The following ERCC6 variants were observed in gnomAD, a reference collection of about 807,000 sequenced individuals.
The protein encoded by ERCC6 is DNA excision repair protein ERCC-6.
A neutral mutation model predicts 158.7 loss-of-function variants in ERCC6; 116 were observed. That is an observed-to-expected ratio of 0.73 (90% CI 0.63 to 0.85). The LOEUF is 0.85. Ranked by LOEUF, ERCC6 falls within the 40% of genes least tolerant of loss-of-function variation. ERCC6 has a pLI of 0.00. For synonymous variants in ERCC6, 678 were observed against 659.3 expected (o/e 1.03, Z -0.43); for missense variants, 1,698 against 1,799.4 (o/e 0.94, Z 1.02).
intron 7 of ERCC6, among the ~76,000 whole-genome samples, chr10:49,495,230 C>A (rs1851247328): frequency 6.6e-6 from 1 of 152,118 alleles, no homozygotes; most frequent in African/African-American, 2.4e-5. Context: ...AAGCAGAAGT[C>A]AAAACTAACC....
intron 12 of ERCC6, 109 bp downstream of exon 12, chr10:49,476,106 G>T: frequency 2.5e-6 from 2 of 801,252 alleles, no homozygotes; most frequent in East Asian, 2.6e-5. Context: ...CAAGTGAAGT[G>T]AGATGACAGT....
intron 11 of ERCC6, among the ~76,000 whole-genome samples, chr10:49,476,881 A>G (rs966768288): frequency 2.0e-4 from 31 of 152,172 alleles, no homozygotes; most frequent in African/African-American, 7.0e-4. Flanking sequence ...ACGGATGCTC[A>G]TTTAGCCACC....
At chr10:49,461,062 A>G (rs988476111) in intron 19 of ERCC6, among the ~76,000 whole-genome samples, 1 of 152,222 alleles carries the variant, frequency 6.6e-6, no homozygotes, top group African/African-American at 2.4e-5. Context: ...TTATCTCATT[A>G]AGGTTTAATC....
intron 18 of ERCC6, among the ~76,000 whole-genome samples, chr10:49,465,649 T>C (rs1850662340): frequency 6.6e-6 from 1 of 152,202 alleles, no homozygotes; most frequent in African/African-American, 2.4e-5. Context: ...GGGTTGGGTC[T>C]TTCCTGTGCT....
chr10:49,518,102 A>G (rs1837039393), intron 5 of ERCC6, among the ~76,000 whole-genome samples: 2 of 152,266 alleles, frequency 1.3e-5, no homozygotes, highest in Non-Finnish European at 2.9e-5. Context: ...ACTGAAGGAC[A>G]GACAGGACAA....
At chr10:49,529,216 C>T (rs553863617) in intron 3 of ERCC6, among the ~76,000 whole-genome samples, 38 of 152,328 alleles carry the variant, frequency 2.5e-4, no homozygotes, top group African/African-American at 8.7e-4. Flanking sequence ...AAGAATGTTT[C>T]AACTTCAAAT....
At chr10:49,477,486 C>T (rs899652831) in intron 11 of ERCC6, among the ~76,000 whole-genome samples, 1 of 152,172 alleles carries the variant, frequency 6.6e-6, no homozygotes, top group African/African-American at 2.4e-5. Flanking sequence ...AAGCCCGCAC[C>T]CAGAGCAAGC....
In ERCC6 at chr10:49,524,398, C is replaced by G; in HGVS notation, c.1032G>C (p.Gly344=). 4.3e-6 allele frequency: 7 copies of G among 1,614,228 alleles called. No individual in the cohort carries two copies. Among genetic ancestry groups the G allele is most frequent in the Non-Finnish European group, 5.9e-6 (7 of 1,180,042 alleles). The change falls in exon 5 of 21, where the codon GGG becomes GGC. Residue 344 remains glycine, a synonymous_variant. Coordinates refer to ENST00000355832, the MANE Select transcript of ERCC6 (RefSeq NM_000124.4). The part of the protein sequence containing the change: ...KLQKRALQFQ[G]KVGLPKARRP... ...TCCTTGCCTTTGGCAATCCCACTTTCCCCTGGAACTGCAAAGCCCTCTTCT... is the reference window on the plus strand; with the variant it reads ...TCCTTGCCTTTGGCAATCCCACTTTGCCCTGGAACTGCAAAGCCCTCTTCT...
At chr10:49,524,844 C>T in intron 4 of ERCC6, 67 bp from the exon 5 acceptor site, 3 of 1,586,712 alleles carry the variant, frequency 1.9e-6, no homozygotes, top group Non-Finnish European at 2.6e-6. Context: ...AAGAAATGCT[C>T]ACTCTTTCAA....
downstream of ERCC6, among the ~76,000 whole-genome samples, chr10:49,452,766 T>A (rs953348638): frequency 6.6e-6 from 1 of 151,338 alleles, no homozygotes; most frequent in African/African-American, 2.4e-5. Context: ...TTCATACATA[T>A]GTTTACAACT....
At chr10:49,505,800 G>GT in intron 6 of ERCC6, 84 bp downstream of exon 6, 1 of 1,549,510 alleles carries the variant, frequency 6.5e-7, no homozygotes, top group Non-Finnish European at 8.9e-7. Context: ...GGGCCCACAG[G>GT]TAACTACTAT....
chr10:49,492,095 A>C (rs1851182410), intron 8 of ERCC6, among the ~76,000 whole-genome samples: 1 of 152,258 alleles, frequency 6.6e-6, no homozygotes, highest in Admixed American at 6.5e-5. Context: ...TAACAATAAC[A>C]GTGTAAGCAA....
intron 18 of ERCC6, among the ~76,000 whole-genome samples, chr10:49,467,425 T>G (rs1850696748): frequency 6.6e-6 from 1 of 152,212 alleles, no homozygotes; most frequent in Non-Finnish European, 1.5e-5. Flanking sequence ...AGAGGGTGTA[T>G]AGTGGTATCT....
At chr10:49,506,201 C>A in intron 5 of ERCC6, 189 bp from the exon 6 acceptor site, 1 of 625,260 alleles carries the variant, frequency 1.6e-6, no homozygotes, top group South Asian at 2.0e-5. Context: ...CATCTCAATT[C>A]ATTTCTTATG....
chr10:49,452,926 C>G (rs1850436522), downstream of ERCC6, among the ~76,000 whole-genome samples: 1 of 152,046 alleles, frequency 6.6e-6, no homozygotes, highest in Non-Finnish European at 1.5e-5. Context: ...CTTTTTGTAT[C>G]CTTTTAATCT....
the ERCC6 span, among the ~76,000 whole-genome samples, chr10:49,438,357 A>T: frequency 3.4e-3 from 511 of 152,312 alleles, 3 homozygotes; most frequent in African/African-American, 0.012. Context: ...CACTTCTTAC[A>T]TGGCAGTGGC....
chr10:49,482,122 C>T (rs909822035), intron 10 of ERCC6, among the ~76,000 whole-genome samples: 20 of 152,176 alleles, frequency 1.3e-4, no homozygotes, highest in Non-Finnish European at 7.4e-5. Context: ...CTCTTCACTG[C>T]GCCCTGCCAC....
At chr10:49,495,734 T>C (rs1301789626) in intron 7 of ERCC6, among the ~76,000 whole-genome samples, 1 of 152,068 alleles carries the variant, frequency 6.6e-6, no homozygotes, top group Non-Finnish European at 1.5e-5. Context: ...CTGCTTGCTC[T>C]CCACCACGAG....
the ERCC6 span, among the ~76,000 whole-genome samples, chr10:49,439,908 A>G: frequency 6.6e-6 from 1 of 152,158 alleles, no homozygotes; most frequent in East Asian, 1.9e-4. Context: ...TCCCAAAACA[A>G]GTTTCTCATC....
Sources: allele counts gnomAD v4.1 joint callset (sites outside exome capture counted in the v4.1 genomes callset), GRCh38; gene constraint gnomAD v4.1.1; transcripts MANE v1.5; gene names NCBI Gene and HGNC (gene_info 2026-07-23, HGNC 2026-07-21).